Variants in SLC25A48 observed in about 807,000 individuals in gnomAD.
SLC25A48 encodes CTC-321K16.1.
A neutral mutation model predicts 32.2 loss-of-function variants in SLC25A48; 29 were observed. That is an observed-to-expected ratio of 0.90 (90% CI 0.67 to 1.23). The LOEUF is 1.23. SLC25A48 is among the 50% of genes most tolerant of loss of function. The pLI is 0.00. For synonymous variants in SLC25A48, 164 were observed against 172.3 expected (o/e 0.95, Z 0.38); for missense variants, 399 against 422.7 (o/e 0.94, Z 0.49).
chr5:135,773,537 A>G (rs914658949), intron 3 of SLC25A48, among the ~76,000 whole-genome samples: 3 of 150,576 alleles, frequency 2.0e-5, no homozygotes, highest in African/African-American at 7.3e-5. Flanking sequence ...TTCCCCTATG[A>G]TACTGTGCGA....
intron 3 of SLC25A48, among the ~76,000 whole-genome samples, chr5:135,747,469 C>T (rs535441050): frequency 6.6e-6 from 1 of 152,136 alleles, no homozygotes; most frequent in South Asian, 2.1e-4. Context: ...GGCACTAATA[C>T]AACTTCTTTG....
At chr5:135,697,336 AGCTCAGCTCT>A (rs1754293105) in intron 3 of SLC25A48, among the ~76,000 whole-genome samples, 2 of 146,482 alleles carry the variant, frequency 1.4e-5, no homozygotes, top group African/African-American at 2.5e-5. Context: ...AGCTTGGCTC[AGCTCAGCTCT>A]GCTCAGCTCT....
intron 3 of SLC25A48, chr5:135,650,240 G>A: frequency 3.0e-6 from 1 of 338,130 alleles, no homozygotes; most frequent in Middle Eastern, 1.0e-3. Context: ...GTGTCAGCTT[G>A]ATTCTCTAAG....
At chr5:135,856,736 C>T (rs1256908543) in intron 4 of SLC25A48, among the ~76,000 whole-genome samples, 1 of 152,190 alleles carries the variant, frequency 6.6e-6, no homozygotes. Flanking sequence ...AAGGGTGGCA[C>T]CTCTGAGGAA....
intron 3 of SLC25A48, among the ~76,000 whole-genome samples, chr5:135,701,361 C>T (rs1391409733): frequency 6.6e-6 from 1 of 152,086 alleles, no homozygotes; most frequent in Non-Finnish European, 1.5e-5. Context: ...CTGATAATCA[C>T]CTCTACCCTG....
intron 1 of SLC25A48, among the ~76,000 whole-genome samples, chr5:135,587,070 A>G (rs1221959815): frequency 6.6e-6 from 1 of 152,000 alleles, no homozygotes; most frequent in Non-Finnish European, 1.5e-5. Context: ...TTGTTCTGTC[A>G]CTCAGGTTGG....
At chr5:135,660,642 TATAGGA>T (rs1422609011) in intron 3 of SLC25A48, among the ~76,000 whole-genome samples, 1 of 152,168 alleles carries the variant, frequency 6.6e-6, no homozygotes, top group Non-Finnish European at 1.5e-5. Context: ...GTTTTTTTTG[TATAGGA>T]AGTGCGGATG....
At chr5:135,613,390 C>T (rs1752117807) in intron 1 of SLC25A48, among the ~76,000 whole-genome samples, 1 of 152,094 alleles carries the variant, frequency 6.6e-6, no homozygotes. Context: ...TGCCTCTTCA[C>T]TCTGTTGGTT....
intron 1 of SLC25A48, among the ~76,000 whole-genome samples, chr5:135,611,440 C>A (rs1339992834): frequency 1.7e-5 from 2 of 120,574 alleles, no homozygotes; most frequent in East Asian, 2.6e-4. Flanking sequence ...GAGCTTGCAG[C>A]GAGCTGAGAT....
chr5:135,618,755 T>C (rs1278960571), intron 1 of SLC25A48, among the ~76,000 whole-genome samples: 2 of 152,030 alleles, frequency 1.3e-5, no homozygotes, highest in Non-Finnish European at 2.9e-5. Flanking sequence ...TGAAGGAAAA[T>C]TTTTCTGGGT....
intron 3 of SLC25A48, among the ~76,000 whole-genome samples, chr5:135,778,229 G>A (rs532224990): frequency 6.6e-6 from 1 of 151,444 alleles, no homozygotes; most frequent in Admixed American, 6.6e-5. Context: ...CCTGTGTGAT[G>A]TTTTTCCTAA....
intron 1 of SLC25A48, among the ~76,000 whole-genome samples, chr5:135,838,393 A>C (rs1017237853): frequency 3.3e-5 from 5 of 152,272 alleles, no homozygotes; most frequent in African/African-American, 1.2e-4. Flanking sequence ...CTAACAATGC[A>C]ATAGAAAATA....
At chr5:135,720,849 T>G (rs1754934232) in intron 3 of SLC25A48, among the ~76,000 whole-genome samples, 1 of 151,780 alleles carries the variant, frequency 6.6e-6, no homozygotes, top group Admixed American at 6.6e-5. Flanking sequence ...CGGGGATGGA[T>G]GTGGTGGTGG....
At chr5:135,886,615 ATATATATATATATATAT>A (rs1561567614) in intron 7 of SLC25A48, among the ~76,000 whole-genome samples, 3,989 of 34,914 alleles carry the variant, frequency 0.11, 381 homozygotes, top group Middle Eastern at 0.22. Flanking sequence ...ATATATATAT[ATATATATATATATATAT>A]ATATAAAATA....
intron 3 of SLC25A48, among the ~76,000 whole-genome samples, chr5:135,699,411 A>AAAC (rs908440832): frequency 3.9e-5 from 6 of 151,906 alleles, no homozygotes; most frequent in African/African-American, 1.5e-4. Context: ...TGGGAAAAAA[A>AAAC]AAAAGCCAGA....
At chr5:135,838,494 T>C (rs1758721135) in intron 1 of SLC25A48, among the ~76,000 whole-genome samples, 1 of 151,920 alleles carries the variant, frequency 6.6e-6, no homozygotes, top group African/African-American at 2.4e-5. Context: ...GACAGTGGGG[T>C]AAATATCTGC....
intron 3 of SLC25A48, among the ~76,000 whole-genome samples, chr5:135,728,841 T>TACACACACACACACACACACACCCAC (rs1755154221): frequency 7.1e-6 from 1 of 141,578 alleles, no homozygotes; most frequent in African/African-American, 2.7e-5. Flanking sequence ...CATACACAAA[T>TACACACACACACACACACACACCCAC]ACACACACAC....
chr5:135,797,781 C>T (rs1480609937), intron 3 of SLC25A48, among the ~76,000 whole-genome samples: 1 of 151,674 alleles, frequency 6.6e-6, no homozygotes, highest in African/African-American at 2.4e-5. Flanking sequence ...CTCTCAATAT[C>T]TCAGGGGATG....
At chr5:135,852,930 C>T in intron 4 of SLC25A48, 109 bp downstream of exon 4, 1 of 1,402,352 alleles carries the variant, frequency 7.1e-7, no homozygotes, top group Non-Finnish European at 9.5e-7. Flanking sequence ...AAGGCATCTA[C>T]CTTGTCACCT....
Sources: gnomAD v4.1 joint callset for allele counts (sites outside exome capture counted in the v4.1 genomes callset) on GRCh38, gnomAD v4.1.1 for gene constraint, MANE v1.5 for transcripts, NCBI Gene and HGNC (gene_info 2026-07-23, HGNC 2026-07-21) for gene names.